Variants in TMEM132D observed in about 807,000 individuals in gnomAD.
TMEM132D encodes the protein transmembrane protein 132D.
Under a neutral mutation model 62.3 loss-of-function variants are expected in TMEM132D, and 21 were observed. That is an observed-to-expected ratio of 0.34 (90% CI 0.24 to 0.49). TMEM132D has a LOEUF of 0.49. TMEM132D is among the 20% of genes least tolerant of loss of function. The probability of loss-of-function intolerance (pLI) is 0.99; values close to 1 mark genes in which losing one functional copy is unlikely to be tolerated. For synonymous variants in TMEM132D, 621 were observed against 575.6 expected, an observed-to-expected ratio of 1.08 and a Z score of -1.13; for missense variants, 1,346 against 1,402.8, an observed-to-expected ratio of 0.96 and a Z score of 0.65.
At chr12:129,565,243 C>T (rs151202970) in intron 2 of TMEM132D, among the ~76,000 whole-genome samples, 1 of 152,310 alleles carries the variant, frequency 6.6e-6, no homozygotes, top group East Asian at 1.9e-4. Context: ...TCCCACAAAC[C>T]TGGTTGGGAA....
intron 1 of TMEM132D, among the ~76,000 whole-genome samples, chr12:129,711,307 T>C (rs1394326468): frequency 1.3e-5 from 2 of 152,302 alleles, no homozygotes; most frequent in East Asian, 1.9e-4. Flanking sequence ...ATCCACAACA[T>C]AAGCTCTTGG....
At chr12:129,147,556 TATC>T in intron 5 of TMEM132D, among the ~76,000 whole-genome samples, 1 of 152,284 alleles carries the variant, frequency 6.6e-6, no homozygotes, top group East Asian at 1.9e-4. Flanking sequence ...TCAACTAACC[TATC>T]ATGTCTTTAT....
Position 129,365,497 on chromosome 12 carries a change from TGAAAGCAGTCAACGG to T in TMEM132D, c.1116-27695_1116-27681del, listed in dbSNP as rs555886063. Among the ~76,000 whole-genome samples the T allele has an allele frequency of 2.9e-4, 44 of 152,298 alleles. 1 individual carries two copies. The South Asian group carries it at 8.7e-3, about 30-fold the overall frequency. ...AAATGCCCGTCTTAGGAGGGTTTCT[TGAAAGCAGTCAACGG>T]GGTAGCATTTTGGATGCAAGGTGTT... On this transcript the variant is annotated intron_variant, in intron 3 of 8. Coordinates refer to ENST00000422113, the MANE Select transcript of TMEM132D (RefSeq NM_133448.3).
At chr12:129,505,794 A>T (rs1293528688) in intron 3 of TMEM132D, among the ~76,000 whole-genome samples, 2 of 152,144 alleles carry the variant, frequency 1.3e-5, no homozygotes, top group Non-Finnish European at 2.9e-5. Flanking sequence ...TGTCTTTTTA[A>T]ACTGCTGTTG....
intron 3 of TMEM132D, among the ~76,000 whole-genome samples, chr12:129,449,694 C>A: frequency 6.6e-6 from 1 of 152,170 alleles, no homozygotes; most frequent in East Asian, 1.9e-4. Context: ...TGTGAAAAAT[C>A]TCAGCACACC....
rs1432421031 is a variant in TMEM132D at position 129,209,538 on chromosome 12, A to G, written c.1425T>C (p.Ser475=). ...AACTTGCCTTAATCACGTCTTCATC[A>G]GACGATCTACACTCCACAGACTCCA... The part of the protein sequence containing the change: ...ELLESVECRS[S]DEDVIKVSDR... Residue 475 remains serine, a synonymous_variant, in exon 5 of 9, where the codon TCT becomes TCC. Transcript: ENST00000422113. 6.3e-7 allele frequency: 1 copy of G among 1,579,908 alleles called. No individual in the cohort carries two copies. The highest frequency in any genetic ancestry group is 1.5e-5 in the African/African-American group (1 of 65,110).
At chr12:129,396,512 G>A (rs1333516577) in intron 3 of TMEM132D, among the ~76,000 whole-genome samples, 1 of 152,178 alleles carries the variant, frequency 6.6e-6, no homozygotes, top group Non-Finnish European at 1.5e-5. Flanking sequence ...CTACTGGCTG[G>A]AAGGAAGACT....
At chr12:129,292,932 C>T (rs1326810910) in intron 4 of TMEM132D, among the ~76,000 whole-genome samples, 2 of 152,144 alleles carry the variant, frequency 1.3e-5, no homozygotes, top group African/African-American at 4.8e-5. Flanking sequence ...AGTTAGTCCT[C>T]AAACTAAAAG....
intron 3 of TMEM132D, among the ~76,000 whole-genome samples, chr12:129,421,304 CACAAG>C (rs201184119): frequency 1.3e-5 from 1 of 74,914 alleles, no homozygotes. Flanking sequence ...TAGTATGTAT[CACAAG>C]ACAATTGTAT....
intron 2 of TMEM132D, among the ~76,000 whole-genome samples, chr12:129,636,737 T>TGTGTGAGA (rs375868329): frequency 4.7e-4 from 53 of 113,630 alleles, no homozygotes; most frequent in Middle Eastern, 0.01. Flanking sequence ...TGTGTGTGTG[T>TGTGTGAGA]GAGAGAGAGA....
chr12:129,708,628 A>C (rs1343155700), intron 1 of TMEM132D, among the ~76,000 whole-genome samples: 7 of 86,700 alleles, frequency 8.1e-5, no homozygotes, highest in African/African-American at 3.2e-4. Flanking sequence ...AAAAAAAAAA[A>C]AAACACACAC....
intron 2 of TMEM132D, among the ~76,000 whole-genome samples, chr12:129,646,112 G>A (rs1022041755): frequency 2.6e-5 from 4 of 152,050 alleles, no homozygotes; most frequent in African/African-American, 2.4e-5. Context: ...CTGTTGGCTC[G>A]TACTTGAATT....
intron 4 of TMEM132D, among the ~76,000 whole-genome samples, chr12:129,267,148 C>T (rs1486216413): frequency 6.6e-6 from 1 of 151,974 alleles, no homozygotes; most frequent in Non-Finnish European, 1.5e-5. Flanking sequence ...TTTGAACAGG[C>T]TCATCTGGTC....
At chr12:129,120,389 C>T (rs1469075238) in intron 5 of TMEM132D, among the ~76,000 whole-genome samples, 1 of 152,118 alleles carries the variant, frequency 6.6e-6, no homozygotes, top group African/African-American at 2.4e-5. Flanking sequence ...ATATTGGTGC[C>T]ACATCTCAAC....
At chr12:129,541,026 A>G (rs1035542450) in intron 2 of TMEM132D, among the ~76,000 whole-genome samples, 6 of 152,234 alleles carry the variant, frequency 3.9e-5, no homozygotes, top group Admixed American at 2.0e-4. Flanking sequence ...TTCTATTGCC[A>G]TGGAACTAAC....
In TMEM132D at chr12:129,699,987, A is replaced by C. The variant is rs1881338325; in HGVS notation, c.791T>G (p.Leu264Trp). ...AAGGAAGATGCTCCCGATCCTCTGC[A>C]AGGGGGGCCCGGACTCATCGATGTC... Reference protein sequence around the residue: ...HSDIDESGPPLQRIGSIFLYQ... With the variant: ...HSDIDESGPPWQRIGSIFLYQ... The change falls in exon 2 of 9, where the codon TTG becomes TGG. Residue 264 changes from leucine to tryptophan, a missense_variant. Physicochemically the swap from Leu to Trp is moderately conservative, Grantham distance 61. Transcript: ENST00000422113. The C allele has an allele frequency of 1.2e-6, 2 of 1,613,916 alleles. No homozygotes were observed. Among genetic ancestry groups the C allele is most frequent in the Non-Finnish European group, 1.7e-6 (2 of 1,180,034 alleles).
At chr12:129,701,136 T>C (rs955816475) in intron 1 of TMEM132D, among the ~76,000 whole-genome samples, 2 of 152,196 alleles carry the variant, frequency 1.3e-5, no homozygotes, top group Admixed American at 6.5e-5. Flanking sequence ...GAAACAGGAA[T>C]GACTTCCTCA....
chr12:129,372,276 G>C (rs1870628267), intron 3 of TMEM132D, among the ~76,000 whole-genome samples: 2 of 152,174 alleles, frequency 1.3e-5, no homozygotes, highest in South Asian at 4.1e-4. Context: ...ATTGTTTTAG[G>C]CCAGGGGTCC....
chr12:129,412,169 C>A (rs992770734), intron 3 of TMEM132D, among the ~76,000 whole-genome samples: 3 of 150,992 alleles, frequency 2.0e-5, no homozygotes, highest in Non-Finnish European at 3.0e-5. Flanking sequence ...AAAAAAAACA[C>A]CCATTGCTTG....
Sources: allele counts gnomAD v4.1 joint callset (sites outside exome capture counted in the v4.1 genomes callset), GRCh38; gene constraint gnomAD v4.1.1; transcripts MANE v1.5; gene names NCBI Gene and HGNC (gene_info 2026-07-23, HGNC 2026-07-21).